CLNK: variants seen among roughly 807,000 people sequenced by gnomAD.
CLNK encodes cytokine-dependent hematopoietic cell linker.
A neutral mutation model predicts 68.6 loss-of-function variants in CLNK; 74 were observed. The ratio of observed to expected loss-of-function variants is 1.08; its 90% CI spans 0.89 to 1.31. The LOEUF (loss-of-function observed/expected upper bound fraction) is 1.31. CLNK is among the 50% of genes most tolerant of loss of function. The probability of loss-of-function intolerance (pLI) is 0.00; values close to 1 mark genes in which losing one functional copy is unlikely to be tolerated. For synonymous variants in CLNK, 198 were observed against 172.2 expected (o/e 1.15, Z -1.17); for missense variants, 553 against 515.3 (o/e 1.07, Z -0.71).
intron 15 of CLNK, among the ~76,000 whole-genome samples, chr4:10,514,388 C>G (rs985140895): frequency 8.6e-5 from 13 of 151,956 alleles, no homozygotes; most frequent in African/African-American, 3.1e-4. Context: ...ATGGGATGGC[C>G]GGACCAAAAC....
the CLNK span, among the ~76,000 whole-genome samples, chr4:10,726,631 C>G: frequency 6.6e-6 from 1 of 152,132 alleles, no homozygotes; most frequent in Non-Finnish European, 1.5e-5. Flanking sequence ...CAGGGTAGAG[C>G]GAAGATTTCA....
the CLNK span, among the ~76,000 whole-genome samples, chr4:10,697,962 C>A: frequency 6.6e-6 from 1 of 152,116 alleles, no homozygotes; most frequent in Non-Finnish European, 1.5e-5. Context: ...TCAAACAGAA[C>A]CATGAAGACC....
chr4:10,668,984 C>A (rs1305572079), intron 1 of CLNK, among the ~76,000 whole-genome samples: 2 of 152,062 alleles, frequency 1.3e-5, no homozygotes, highest in Non-Finnish European at 2.9e-5. Flanking sequence ...GACAATGATA[C>A]CCAGGAAGAT....
chr4:10,531,785 A>G (rs1050743240), intron 12 of CLNK: 7 of 457,040 alleles, frequency 1.5e-5, no homozygotes, highest in African/African-American at 4.0e-5. Context: ...TGGGATGAGT[A>G]AGAGCATTTT....
At chr4:10,718,669 C>G in the CLNK span, among the ~76,000 whole-genome samples, 11 of 151,120 alleles carry the variant, frequency 7.3e-5, no homozygotes, top group Non-Finnish European at 1.5e-4. Flanking sequence ...AAAGGAAGTT[C>G]TCTAAACAAA....
intron 2 of CLNK, among the ~76,000 whole-genome samples, chr4:10,610,771 AACACACACACACACACACACACACAC>A (rs59809551): frequency 4.2e-5 from 6 of 144,504 alleles, no homozygotes; most frequent in Middle Eastern, 3.2e-3. Context: ...ATAAAAAAGC[AACACACACACACACACACACACACAC>A]ACACACACAC....
intron 2 of CLNK, among the ~76,000 whole-genome samples, chr4:10,644,306 C>T (rs12501074): frequency 0.44 from 67,585 of 152,064 alleles, 15,625 homozygotes; most frequent in Non-Finnish European, 0.52. Context: ...AGAGCAATGA[C>T]TGCTCATATT....
intron 13 of CLNK, among the ~76,000 whole-genome samples, chr4:10,527,686 G>A (rs1024798319): frequency 1.3e-5 from 2 of 152,188 alleles, no homozygotes; most frequent in African/African-American, 4.8e-5. Context: ...GTGTGTACAT[G>A]TATGTGTGTG....
At chr4:10,633,719 A>G (rs1283310693) in intron 2 of CLNK, among the ~76,000 whole-genome samples, 1 of 152,250 alleles carries the variant, frequency 6.6e-6, no homozygotes, top group Non-Finnish European at 1.5e-5. Context: ...ATTTGGCTGT[A>G]TATACAGAAG....
chr4:10,723,810 G>A, the CLNK span, among the ~76,000 whole-genome samples: 1 of 150,302 alleles, frequency 6.7e-6, no homozygotes, highest in South Asian at 2.1e-4. Flanking sequence ...GTCTCTTCCA[G>A]TTAGATCACA....
chr4:10,633,606 C>T (rs758985310), intron 2 of CLNK, among the ~76,000 whole-genome samples: 1 of 152,170 alleles, frequency 6.6e-6, no homozygotes, highest in Non-Finnish European at 1.5e-5. Flanking sequence ...AACCAATGCT[C>T]GTAGGTGTCT....
chr4:10,607,757 G>C (rs1307927937), intron 2 of CLNK, among the ~76,000 whole-genome samples: 5 of 152,214 alleles, frequency 3.3e-5, no homozygotes, highest in Non-Finnish European at 7.3e-5. Flanking sequence ...AATGAGTCCA[G>C]GGACAGCCAG....
At chr4:10,585,054 G>T in intron 3 of CLNK, 99 bp from the exon 4 acceptor site, 1 of 1,267,490 alleles carries the variant, frequency 7.9e-7, no homozygotes, top group Admixed American at 1.9e-5. Context: ...CATTGTACAA[G>T]TCAGCCTCTG....
At chr4:10,648,014 C>T (rs1164111898) in intron 2 of CLNK, among the ~76,000 whole-genome samples, 1 of 152,134 alleles carries the variant, frequency 6.6e-6, no homozygotes, top group South Asian at 2.1e-4. Context: ...CACTAACAGA[C>T]CCTGAAGATT....
intron 11 of CLNK, among the ~76,000 whole-genome samples, chr4:10,537,855 C>T (rs1718862071): frequency 6.7e-6 from 1 of 149,890 alleles, no homozygotes; most frequent in Non-Finnish European, 1.5e-5. Context: ...ATCCTAGGCA[C>T]TTTACAGGAA....
intron 2 of CLNK, among the ~76,000 whole-genome samples, chr4:10,610,401 A>G (rs904064403): frequency 6.6e-6 from 1 of 151,878 alleles, no homozygotes; most frequent in Non-Finnish European, 1.5e-5. Flanking sequence ...AGACAAAAAA[A>G]GCTGATCTAA....
At chr4:10,653,740 T>G (rs1008389809) in intron 2 of CLNK, among the ~76,000 whole-genome samples, 1 of 152,186 alleles carries the variant, frequency 6.6e-6, no homozygotes, top group African/African-American at 2.4e-5. Flanking sequence ...AGAGGACTAC[T>G]GAAATTTATT....
At chr4:10,586,483 T>G (rs1720974893) in intron 3 of CLNK, among the ~76,000 whole-genome samples, 2 of 151,524 alleles carry the variant, frequency 1.3e-5, no homozygotes, top group South Asian at 4.2e-4. Context: ...CCTGGCTAAT[T>G]TTTGTATTTT....
At chr4:10,700,580 A>G in the CLNK span, among the ~76,000 whole-genome samples, 1 of 152,212 alleles carries the variant, frequency 6.6e-6, no homozygotes, top group Admixed American at 6.5e-5. Flanking sequence ...AGGAAACTCA[A>G]CACATAGAAA....
Sources: allele counts gnomAD v4.1 joint callset (sites outside exome capture counted in the v4.1 genomes callset), GRCh38; gene constraint gnomAD v4.1.1; transcripts MANE v1.5; gene names NCBI Gene and HGNC (gene_info 2026-07-23, HGNC 2026-07-21).